The following LPP variants were observed in gnomAD, a reference collection of about 807,000 sequenced individuals.
LPP encodes lipoma-preferred partner.
LPP carries 38 observed loss-of-function variants against 60.4 expected under a neutral mutation model. The observed-to-expected ratio is 0.63, with a 90% CI of 0.49 to 0.83. The LOEUF is 0.83. LPP is among the 40% of genes least tolerant of loss of function. LPP has a pLI of 0.00. For missense variants in LPP, 902 were observed against 783.6 expected (o/e 1.15, Z -1.80); for synonymous variants, 328 against 290.8 (o/e 1.13, Z -1.30).
At chr3:188,354,745 T>C (rs1767003504) in intron 3 of LPP, among the ~76,000 whole-genome samples, 1 of 152,214 alleles carries the variant, frequency 6.6e-6, no homozygotes, top group South Asian at 2.1e-4. Flanking sequence ...ACACTTTGCT[T>C]AATTCAGTTG....
chr3:188,265,870 GGTGTGTGTGT>G (rs55722565), intron 2 of LPP, among the ~76,000 whole-genome samples: 5 of 143,324 alleles, frequency 3.5e-5, no homozygotes, highest in Admixed American at 1.4e-4. Flanking sequence ...GGATTACTCT[GGTGTGTGTGT>G]GTGTGTGTGT....
At chr3:188,302,063 G>A (rs1750073584) in intron 2 of LPP, among the ~76,000 whole-genome samples, 3 of 151,940 alleles carry the variant, frequency 2.0e-5, no homozygotes. Flanking sequence ...TTCAAGGTTT[G>A]GGGAGCTGCT....
At chr3:188,636,204 G>A (rs947155871) in intron 7 of LPP, among the ~76,000 whole-genome samples, 14 of 152,210 alleles carry the variant, frequency 9.2e-5, no homozygotes, top group Admixed American at 2.6e-4. Context: ...TGCGCGCACC[G>A]TGTGCGAGCC....
At chr3:188,315,078 AT>A (rs1023765959) in intron 2 of LPP, among the ~76,000 whole-genome samples, 7 of 101,332 alleles carry the variant, frequency 6.9e-5, no homozygotes, top group African/African-American at 1.7e-4. Context: ...AATTTTTTAC[AT>A]TTTTTTTCTG....
intron 9 of LPP, among the ~76,000 whole-genome samples, chr3:188,851,831 C>G (rs756989508): frequency 1.1e-4 from 16 of 152,180 alleles, no homozygotes; most frequent in Admixed American, 6.5e-5. Flanking sequence ...AAGGAACAAT[C>G]ATTTATTATC....
intron 8 of LPP, among the ~76,000 whole-genome samples, chr3:188,745,407 A>G (rs1056931712): frequency 6.6e-6 from 1 of 152,190 alleles, no homozygotes; most frequent in Non-Finnish European, 1.5e-5. Flanking sequence ...AGGAAGTTAC[A>G]TAAGTCATTC....
At chr3:188,224,015 AG>A (rs1716785989) in intron 1 of LPP, among the ~76,000 whole-genome samples, 1 of 152,002 alleles carries the variant, frequency 6.6e-6, no homozygotes, top group East Asian at 1.9e-4. Flanking sequence ...TCTGCTGTTG[AG>A]GTTACTGGGA....
rs911731589 is a variant in LPP, at chr3:188,878,003, G to A, written c.*3524G>A. The A allele has an allele frequency of 4.6e-6, 1 of 216,504 alleles. No individual in the cohort carries two copies. The highest frequency in any genetic ancestry group is 9.3e-6 in the Non-Finnish European group (1 of 107,288). 13.4% of individuals were successfully genotyped at this position (216,504 alleles called of 1,614,324 possible). A position where few individuals can be genotyped will look rare whatever the true frequency, so the allele number is the denominator to read the frequency against. On this transcript the variant is annotated 3_prime_UTR_variant, in exon 12 of 12. Coordinates refer to ENST00000617246, the MANE Select transcript of LPP (RefSeq NM_001375462.1). ...AGAGATGTTTATGGTGAGGTTTAAA[G>A]GATATGAAACTCTACATTTAAACAA... is the stretch of plus-strand genomic sequence containing the variant.
At chr3:188,829,398 G>A (rs193214594) in intron 9 of LPP, among the ~76,000 whole-genome samples, 43 of 152,178 alleles carry the variant, frequency 2.8e-4, no homozygotes, top group Admixed American at 2.1e-3. Context: ...ACTTACACAC[G>A]ATCTTAACCA....
At chr3:188,747,665 AC>A (rs1333774042) in intron 8 of LPP, among the ~76,000 whole-genome samples, 7 of 152,204 alleles carry the variant, frequency 4.6e-5, no homozygotes, top group Admixed American at 3.9e-4. Context: ...GGGAAGTATT[AC>A]CTAAAAGTAA....
chr3:188,635,627 C>A (rs192638949), intron 7 of LPP, among the ~76,000 whole-genome samples: 8 of 152,294 alleles, frequency 5.3e-5, no homozygotes, highest in Admixed American at 3.9e-4. Context: ...CATCTCAGCT[C>A]TCATTCCTAA....
chr3:188,313,594 G>T (rs181400024), intron 2 of LPP, among the ~76,000 whole-genome samples: 1 of 149,580 alleles, frequency 6.7e-6, no homozygotes. Flanking sequence ...CCAAGATCCC[G>T]CCACTGCACT....
chr3:188,470,538 G>T (rs2149519198), intron 4 of LPP, among the ~76,000 whole-genome samples: 1 of 152,246 alleles, frequency 6.6e-6, no homozygotes, highest in South Asian at 2.1e-4. Flanking sequence ...ACTCATATAT[G>T]ATGTCTGCCC....
intron 4 of LPP, among the ~76,000 whole-genome samples, chr3:188,439,516 C>T (rs1311036808): frequency 6.6e-6 from 1 of 152,158 alleles, no homozygotes; most frequent in Non-Finnish European, 1.5e-5. Context: ...AGAGAAATCC[C>T]ACTTGCTGTC....
At chr3:188,372,757 G>T (rs569379747) in intron 3 of LPP, among the ~76,000 whole-genome samples, 1 of 151,024 alleles carries the variant, frequency 6.6e-6, no homozygotes, top group Non-Finnish European at 1.5e-5. Flanking sequence ...TGTACAACGT[G>T]CAGGTTTGTT....
intron 8 of LPP, among the ~76,000 whole-genome samples, chr3:188,735,682 C>T (rs1722257350): frequency 6.6e-6 from 1 of 152,298 alleles, no homozygotes; most frequent in South Asian, 2.1e-4. Flanking sequence ...CTGTGCCTGG[C>T]CTGTAATAAC....
At chr3:188,164,541 A>G (rs1453108996) in intron 1 of LPP, among the ~76,000 whole-genome samples, 2 of 152,186 alleles carry the variant, frequency 1.3e-5, no homozygotes, top group Non-Finnish European at 2.9e-5. Flanking sequence ...ATGAAAACGA[A>G]TCATTTTCAG....
chr3:188,441,923 G>C (rs1470661626), intron 4 of LPP, among the ~76,000 whole-genome samples: 1 of 151,738 alleles, frequency 6.6e-6, no homozygotes, highest in African/African-American at 2.4e-5. Context: ...GCGCCCGGCC[G>C]CAATACTCAT....
intron 7 of LPP, among the ~76,000 whole-genome samples, chr3:188,700,579 GGAT>G (rs1401761604): frequency 6.6e-6 from 1 of 152,160 alleles, no homozygotes; most frequent in Non-Finnish European, 1.5e-5. Flanking sequence ...AGGGGCAGTG[GGAT>G]GATAAGGTGA....
Sources: allele counts gnomAD v4.1 joint callset (sites outside exome capture counted in the v4.1 genomes callset), GRCh38; gene constraint gnomAD v4.1.1; transcripts MANE v1.5; gene names NCBI Gene and HGNC (gene_info 2026-07-23, HGNC 2026-07-21).